HPSE2: variants seen among roughly 807,000 people sequenced by gnomAD.
HPSE2 encodes the protein heparanase 2 (inactive), also known as inactive heparanase-2.
A neutral mutation model predicts 60.5 loss-of-function variants in HPSE2; 38 were observed. That is an observed-to-expected ratio of 0.63 (90% CI 0.48 to 0.82). HPSE2 has a LOEUF of 0.82. HPSE2 is among the 40% of genes least tolerant of loss of function. The probability of loss-of-function intolerance (pLI) is 0.00; values close to 1 mark genes in which losing one functional copy is unlikely to be tolerated. For synonymous variants in HPSE2, 295 were observed against 293.2 expected, an observed-to-expected ratio of 1.01 and a Z score of -0.06; for missense variants, 713 against 740.4, an observed-to-expected ratio of 0.96 and a Z score of 0.43.
intron 3 of HPSE2, among the ~76,000 whole-genome samples, chr10:99,107,033 G>C (rs1844275737): frequency 6.6e-6 from 1 of 151,998 alleles, no homozygotes; most frequent in African/African-American, 2.4e-5. Context: ...ACCATGCCTG[G>C]TTAATTTTTG....
the HPSE2 span, among the ~76,000 whole-genome samples, chr10:99,243,323 A>G: frequency 2.6e-5 from 4 of 152,002 alleles, no homozygotes; most frequent in African/African-American, 7.2e-5. Flanking sequence ...ACTGCACTCC[A>G]GCCTCAGTGA....
intron 3 of HPSE2, among the ~76,000 whole-genome samples, chr10:98,827,219 T>G (rs1298376868): frequency 1.3e-5 from 2 of 152,080 alleles, no homozygotes; most frequent in Non-Finnish European, 2.9e-5. Flanking sequence ...GTTTGTTTGT[T>G]TTTTGAGACG....
chr10:99,105,629 A>G (rs1031318530), intron 3 of HPSE2, among the ~76,000 whole-genome samples: 2 of 151,726 alleles, frequency 1.3e-5, no homozygotes, highest in Non-Finnish European at 2.9e-5. Context: ...TTTTAATTTT[A>G]ATGAGGTTAA....
intron 6 of HPSE2, among the ~76,000 whole-genome samples, chr10:98,655,153 T>C (rs993110565): frequency 3.9e-5 from 6 of 152,142 alleles, no homozygotes; most frequent in Admixed American, 3.9e-4. Context: ...TCCCCCTGTA[T>C]GTAAGACGGA....
the HPSE2 span, among the ~76,000 whole-genome samples, chr10:99,313,804 G>A: frequency 3.3e-5 from 5 of 151,404 alleles, no homozygotes; most frequent in South Asian, 2.1e-4. Context: ...GTTTCACCAC[G>A]TTGGCCAGGA....
intron 2 of HPSE2, among the ~76,000 whole-genome samples, chr10:99,172,693 C>T (rs192048830): frequency 1.4e-4 from 22 of 152,218 alleles, no homozygotes; most frequent in Admixed American, 7.8e-4. Flanking sequence ...GCCTGGCCAA[C>T]GCGGTGAAAA....
intron 3 of HPSE2, among the ~76,000 whole-genome samples, chr10:98,966,643 C>T (rs775332447): frequency 4.6e-5 from 7 of 152,132 alleles, no homozygotes; most frequent in East Asian, 1.9e-4. Flanking sequence ...CTCTGTGACG[C>T]GCCCCCTCAA....
At position 98,559,165 on chromosome 10, in the gene HPSE2, T is replaced by C. The variant is rs530971861; in HGVS notation, c.1320+55739A>G. 3.3e-5 allele frequency among the ~76,000 whole-genome samples: 5 copies of C among 152,268 alleles called. No individual in the cohort carries two copies. The South Asian group carries it at 8.3e-4, about 25-fold the overall frequency. ...GCCTCAGCCTCCTGAGCAGCTGGGATTACAGGCAGCTGCCACCACGCCTGG... is the reference window on the plus strand; with the variant it reads ...GCCTCAGCCTCCTGAGCAGCTGGGACTACAGGCAGCTGCCACCACGCCTGG... On this transcript the variant is annotated intron_variant, in intron 9 of 11. Transcript: ENST00000370552.
At chr10:98,826,669 G>C (rs1400318601) in intron 3 of HPSE2, among the ~76,000 whole-genome samples, 2 of 152,118 alleles carry the variant, frequency 1.3e-5, no homozygotes, top group African/African-American at 4.8e-5. Flanking sequence ...AATATCCCAA[G>C]AAGAGACCCA....
the HPSE2 span, among the ~76,000 whole-genome samples, chr10:99,308,581 C>T: frequency 3.3e-5 from 5 of 151,974 alleles, no homozygotes; most frequent in Non-Finnish European, 4.4e-5. Flanking sequence ...GCCAGCAGCA[C>T]CTGTGGCTGC....
intron 9 of HPSE2, among the ~76,000 whole-genome samples, chr10:98,587,094 T>TTTATCA (rs1328539459): frequency 1.3e-5 from 2 of 152,218 alleles, no homozygotes; most frequent in Non-Finnish European, 2.9e-5. Context: ...TATTATTATC[T>TTTATCA]TTATCATTAT....
intron 3 of HPSE2, among the ~76,000 whole-genome samples, chr10:98,811,098 A>G (rs1268566489): frequency 2.0e-5 from 3 of 151,948 alleles, no homozygotes; most frequent in Non-Finnish European, 4.4e-5. Context: ...AACTACATTA[A>G]CCTTCTCTTA....
At chr10:98,522,480 T>C (rs972022948) in intron 9 of HPSE2, among the ~76,000 whole-genome samples, 1 of 151,972 alleles carries the variant, frequency 6.6e-6, no homozygotes, top group Admixed American at 6.6e-5. Context: ...TTTTTGTTTG[T>C]TTTTTGTTTT....
chr10:98,982,590 T>C (rs1321616274), intron 3 of HPSE2, among the ~76,000 whole-genome samples: 1 of 152,172 alleles, frequency 6.6e-6, no homozygotes, highest in African/African-American at 2.4e-5. Flanking sequence ...GGCTTTCTAA[T>C]GGCAAAGTTG....
intron 2 of HPSE2, among the ~76,000 whole-genome samples, chr10:99,147,766 T>A (rs1016871834): frequency 1.2e-4 from 18 of 152,146 alleles, no homozygotes; most frequent in African/African-American, 4.3e-4. Context: ...TATCAATGAC[T>A]AGATAAACAC....
intron 3 of HPSE2, among the ~76,000 whole-genome samples, chr10:98,777,273 C>T (rs1950361860): frequency 6.6e-6 from 1 of 152,112 alleles, no homozygotes; most frequent in African/African-American, 2.4e-5. Flanking sequence ...CACAATAACA[C>T]AATTGACCCA....
intron 4 of HPSE2, among the ~76,000 whole-genome samples, chr10:98,725,708 C>T (rs905430851): frequency 6.6e-6 from 1 of 152,052 alleles, no homozygotes; most frequent in African/African-American, 2.4e-5. Context: ...AGGCAACCTA[C>T]AAAATGGGAG....
chr10:98,506,683 C>T (rs976357010), intron 9 of HPSE2, among the ~76,000 whole-genome samples: 1 of 152,140 alleles, frequency 6.6e-6, no homozygotes, highest in Non-Finnish European at 1.5e-5. Context: ...GTCTTAAACT[C>T]CTGATCACTC....
intron 3 of HPSE2, among the ~76,000 whole-genome samples, chr10:99,000,420 T>C (rs1200766420): frequency 6.6e-6 from 1 of 152,144 alleles, no homozygotes; most frequent in Non-Finnish European, 1.5e-5. Flanking sequence ...TCCATCATCT[T>C]TACAGTGGTG....
Sources: gnomAD v4.1 joint callset for allele counts (sites outside exome capture counted in the v4.1 genomes callset) on GRCh38, gnomAD v4.1.1 for gene constraint, MANE v1.5 for transcripts, NCBI Gene and HGNC (gene_info 2026-07-23, HGNC 2026-07-21) for gene names.